The following DLGAP2 variants were observed in gnomAD, a reference collection of about 807,000 sequenced individuals.
The protein encoded by DLGAP2 is disks large-associated protein 2.
DLGAP2 carries 26 observed loss-of-function variants against 100.3 expected under a neutral mutation model. The ratio of observed to expected loss-of-function variants is 0.26; its 90% CI spans 0.19 to 0.36. The LOEUF is 0.36. DLGAP2 is among the 10% of genes least tolerant of loss of function. DLGAP2 has a pLI of 1.00. For synonymous variants in DLGAP2, 886 were observed against 630.1 expected (o/e 1.41, Z -6.08); for missense variants, 1,858 against 1,453.2 (o/e 1.28, Z -4.53).
chr8:1,502,288 T>C (rs982801302), intron 4 of DLGAP2, among the ~76,000 whole-genome samples: 3 of 152,254 alleles, frequency 2.0e-5, no homozygotes, highest in African/African-American at 7.2e-5. Flanking sequence ...GTTCAATTTA[T>C]ATTTAAATGT....
intron 2 of DLGAP2, among the ~76,000 whole-genome samples, chr8:931,422 C>A (rs1010015066): frequency 2.0e-5 from 3 of 152,238 alleles, no homozygotes; most frequent in Admixed American, 1.3e-4. Flanking sequence ...GGAACATGTT[C>A]TAGAAAAAGC....
chr8:1,482,684 C>G (rs1170785772), intron 3 of DLGAP2, among the ~76,000 whole-genome samples: 1 of 152,212 alleles, frequency 6.6e-6, no homozygotes, highest in Admixed American at 6.5e-5. Flanking sequence ...TTCCCACGGC[C>G]GCCCCGGCCA....
rs573649693 is a variant in DLGAP2, at chr8:1,058,031, T to C, written c.73+150065T>C. ...GAAAACATTCTATCAATAGTCTGCT[T>C]CTGGTGAACTTAACAGTTTTGAGAA... On this transcript the variant is annotated intron_variant, in intron 2 of 14. Transcript: ENST00000637795. Among the ~76,000 whole-genome samples, 4 of 152,328 alleles carry C rather than the reference T, an allele frequency of 2.6e-5. No individual in the cohort carries two copies. The East Asian group carries it at 7.7e-4, about 29-fold the overall frequency.
intron 3 of DLGAP2, among the ~76,000 whole-genome samples, chr8:1,490,485 G>A (rs917686758): frequency 6.6e-6 from 1 of 152,210 alleles, no homozygotes; most frequent in African/African-American, 2.4e-5. Flanking sequence ...AGCATGTTGT[G>A]TGACAAAGAC....
intron 2 of DLGAP2, among the ~76,000 whole-genome samples, chr8:1,188,855 C>G (rs1454372655): frequency 6.6e-6 from 1 of 152,232 alleles, no homozygotes; most frequent in Non-Finnish European, 1.5e-5. Flanking sequence ...ACTTGTCACT[C>G]CAAAAAGTTA....
In DLGAP2 at chr8:1,494,023, C is replaced by T. The variant is rs563273209; in HGVS notation, c.107-7343C>T. Among the ~76,000 whole-genome samples the T allele has an allele frequency of 4.9e-4, 72 of 146,152 alleles. No homozygotes were observed. In the South Asian group the frequency reaches 0.016, roughly 32 times the overall value. On this transcript the variant is annotated intron_variant, in intron 3 of 14. Transcript: ENST00000637795. ...GCCATGCCAGGAGGACGCAGGGCCC[C>T]TGCCCTCCCATTCTGCATCGGGGGG...
chr8:1,492,674 G>T (rs368344107), intron 3 of DLGAP2, among the ~76,000 whole-genome samples: 3 of 152,200 alleles, frequency 2.0e-5, no homozygotes, highest in Non-Finnish European at 2.9e-5. Context: ...CCTCACAGCC[G>T]GAGGCAGAGG....
At chr8:1,349,056 C>T (rs1005596067) in intron 3 of DLGAP2, among the ~76,000 whole-genome samples, 9 of 151,792 alleles carry the variant, frequency 5.9e-5, no homozygotes, top group African/African-American at 2.2e-4. Flanking sequence ...GATGCGGCCA[C>T]TTGCTCCTGC....
chr8:813,377 A>G lies in DLGAP2; in HGVS notation c.18+75552A>G, dbSNP rs112971287. Reference sequence around the variant, plus strand: ...TGTTTATATTCATATAAACACTTGTATTTTGTATTACAGAAAATATTATGT... The same window carrying G: ...TGTTTATATTCATATAAACACTTGTGTTTTGTATTACAGAAAATATTATGT... On this transcript the variant is annotated intron_variant, in intron 1 of 14. Transcript: ENST00000637795. Among the ~76,000 whole-genome samples the G allele has an allele frequency of 2.7e-3, 414 of 152,260 alleles. 3 individuals carry two copies. Among genetic ancestry groups the G allele is most frequent in the African/African-American group, 9.6e-3 (398 of 41,546 alleles).
At chr8:1,432,991 G>A (rs77299253) in intron 3 of DLGAP2, among the ~76,000 whole-genome samples, 32,204 of 151,934 alleles carry the variant, frequency 0.21, 3,807 homozygotes, top group Middle Eastern at 0.28. Flanking sequence ...ACTCACAGGC[G>A]GCTGGACCTC....
intron 6 of DLGAP2, among the ~76,000 whole-genome samples, chr8:1,581,173 C>A (rs1009980015): frequency 2.8e-4 from 42 of 150,156 alleles, no homozygotes; most frequent in African/African-American, 1.0e-3. Context: ...AGGATACAGA[C>A]AAAACCCCAC....
chr8:1,141,154 G>A (rs936626184), intron 2 of DLGAP2, among the ~76,000 whole-genome samples: 3 of 152,172 alleles, frequency 2.0e-5, no homozygotes, highest in African/African-American at 7.2e-5. Flanking sequence ...TCCTGGGGAG[G>A]GACTGAGGGG....
chr8:1,201,318 C>T (rs1034403477), intron 2 of DLGAP2, among the ~76,000 whole-genome samples: 1 of 152,334 alleles, frequency 6.6e-6, no homozygotes, highest in East Asian at 1.9e-4. Context: ...CCCTCAGCGA[C>T]CCTGGAACCA....
At position 1,352,158 on chromosome 8, in the gene DLGAP2, C is replaced by G. The variant is rs1194970836; in HGVS notation, c.106+93275C>G. On this transcript the variant is annotated intron_variant, in intron 3 of 14. Coordinates refer to ENST00000637795, the MANE Select transcript of DLGAP2 (RefSeq NM_001346810.2). ...GGGTCCTGACTGTGTGTGGAAAGGCCGTGCGGGTCCTGAGTGTGTGTGGAT... is the reference window on the plus strand; with the variant it reads ...GGGTCCTGACTGTGTGTGGAAAGGCGGTGCGGGTCCTGAGTGTGTGTGGAT... Among the ~76,000 whole-genome samples the G allele has an allele frequency of 1.9e-5, 2 of 103,300 alleles. 1 individual carries two copies. The highest frequency in any genetic ancestry group is 5.5e-4 in the East Asian group (2 of 3,628). 67.8% of individuals were successfully genotyped at this position (103,300 alleles called of 152,430 possible).
intron 2 of DLGAP2, among the ~76,000 whole-genome samples, chr8:965,415 G>A (rs554649215): frequency 1.7e-5 from 1 of 60,220 alleles, no homozygotes; most frequent in African/African-American, 7.8e-5. Flanking sequence ...TCCAGAGCCC[G>A]ACCCCCGCAT....
At chr8:1,119,321 C>T (rs1795979488) in intron 2 of DLGAP2, among the ~76,000 whole-genome samples, 1 of 152,196 alleles carries the variant, frequency 6.6e-6, no homozygotes, top group Non-Finnish European at 1.5e-5. Context: ...ATTTTAGTGT[C>T]CAGCGTGTTT....
At chr8:1,306,576 A>C (rs1007432381) in intron 3 of DLGAP2, among the ~76,000 whole-genome samples, 1 of 152,190 alleles carries the variant, frequency 6.6e-6, no homozygotes, top group Admixed American at 6.5e-5. Flanking sequence ...AGGGACCCCA[A>C]ATACTCAAAA....
At chr8:887,814 T>G (rs1193148731) in intron 1 of DLGAP2, among the ~76,000 whole-genome samples, 3 of 152,196 alleles carry the variant, frequency 2.0e-5, no homozygotes, top group Non-Finnish European at 4.4e-5. Flanking sequence ...GTTTTTTTCT[T>G]CATTTCAACC....
chr8:857,872 ATT>A (rs35091275), intron 1 of DLGAP2, among the ~76,000 whole-genome samples: 11,068 of 147,400 alleles, frequency 0.075, 474 homozygotes, highest in Admixed American at 0.11. Context: ...CTTGCACATG[ATT>A]TTTTTTTTTT....
Sources: gnomAD v4.1 joint callset for allele counts (sites outside exome capture counted in the v4.1 genomes callset) on GRCh38, gnomAD v4.1.1 for gene constraint, MANE v1.5 for transcripts, NCBI Gene and HGNC (gene_info 2026-07-23, HGNC 2026-07-21) for gene names.